The following HYDIN variants were observed in gnomAD, a reference collection of about 807,000 sequenced individuals.
HYDIN encodes the protein axonemal central pair apparatus protein HYDIN.
In HYDIN, 132 loss-of-function variants were observed where a neutral mutation model predicts 403.9. The observed-to-expected ratio is 0.33, with a 90% confidence interval of 0.28 to 0.38. HYDIN has a LOEUF of 0.38. Among genes scored for constraint, HYDIN ranks in the 10% least tolerant of loss-of-function variants. The probability of loss-of-function intolerance (pLI) is 1.00; values close to 1 mark genes in which losing one functional copy is unlikely to be tolerated. For missense variants in HYDIN, 2,827 were observed against 5,009.5 expected, an observed-to-expected ratio of 0.56 and a Z score of 13.15; for synonymous variants, 1,202 against 1,891.7, an observed-to-expected ratio of 0.64 and a Z score of 9.46.
intron 73 of HYDIN, chr16:70,852,826 A>T (rs967594716): frequency 5.3e-5 from 8 of 152,276 alleles, no homozygotes; most frequent in Admixed American, 2.6e-4. Flanking sequence ...CATTAGGAAA[A>T]TGCTAATTAA....
intron 1 of HYDIN, among the ~76,000 whole-genome samples, chr16:71,195,574 T>C (rs1437835157): frequency 6.6e-6 from 1 of 152,192 alleles, no homozygotes; most frequent in Non-Finnish European, 1.5e-5. Flanking sequence ...TCCTGCTTCA[T>C]CTTCTAGCTT....
intron 44 of HYDIN, 123 bp downstream of exon 44, chr16:70,938,491 G>A (rs2077566275): frequency 4.1e-6 from 3 of 737,014 alleles, no homozygotes; most frequent in Middle Eastern, 4.0e-4. Flanking sequence ...TCACCTTCCA[G>A]GGCCTTCTGC....
At chr16:70,848,240 G>C (rs920428745) in intron 75 of HYDIN, among the ~76,000 whole-genome samples, 6 of 145,426 alleles carry the variant, frequency 4.1e-5, no homozygotes, top group African/African-American at 1.5e-4. Flanking sequence ...CTTTGCTTTA[G>C]TTATCTAGAC....
At position 71,175,741 on chromosome 16, in the gene HYDIN, T is replaced by C. The variant is rs2086645481; in HGVS notation, c.382A>G (p.Ile128Val). The change falls in exon 5 of 86, where the codon ATT becomes GTT. Residue 128 changes from isoleucine (I) to valine (V), a missense_variant and splice_region_variant. Ile to Val is a conservative substitution (Grantham distance 29). Transcript: ENST00000393567. Reference protein sequence around the residue: ...VPLILRNNDKIPRLVKVVEES... With the variant: ...VPLILRNNDKVPRLVKVVEES... The stretch of plus-strand genomic sequence containing the variant: ...TCCACAACTTTCACCAACCTTGGAA[T>C]CTGCAGGGAAACACATGATGATGAA... 1.9e-6 allele frequency: 3 copies of C among 1,614,044 alleles called. No homozygotes were observed. The highest frequency in any genetic ancestry group is 2.5e-6 in the Non-Finnish European group (3 of 1,180,012).
At chr16:71,044,347 A>T (rs754134637) in intron 18 of HYDIN, among the ~76,000 whole-genome samples, 1 of 122,738 alleles carries the variant, frequency 8.1e-6, no homozygotes, top group Non-Finnish European at 1.7e-5. Context: ...TTTAAGATTT[A>T]CTCTTTGGTC....
At chr16:70,819,908 C>A in intron 83 of HYDIN, among the ~76,000 whole-genome samples, 1 of 150,154 alleles carries the variant, frequency 6.7e-6, no homozygotes, top group East Asian at 2.0e-4. Flanking sequence ...CCCGGGTTCA[C>A]GCCATTCTCC....
intron 30 of HYDIN, among the ~76,000 whole-genome samples, chr16:70,976,375 T>C (rs1397460169): frequency 6.6e-6 from 1 of 152,072 alleles, no homozygotes; most frequent in Non-Finnish European, 1.5e-5. Context: ...GGATAGATTT[T>C]CTGGGTTGGA....
At chr16:71,146,008 T>G (rs2085353412) in intron 7 of HYDIN, among the ~76,000 whole-genome samples, 1 of 152,336 alleles carries the variant, frequency 6.6e-6, no homozygotes, top group East Asian at 1.9e-4. Context: ...TAGCGTTTTT[T>G]GAAATTATAC....
chr16:70,844,644 A>G (rs2038073823), intron 75 of HYDIN, among the ~76,000 whole-genome samples: 1 of 143,488 alleles, frequency 7.0e-6, no homozygotes. Context: ...CAGTATGGCC[A>G]TTTTCACGAT....
intron 57 of HYDIN, among the ~76,000 whole-genome samples, chr16:70,891,392 T>C (rs1330173577): frequency 6.6e-6 from 1 of 152,194 alleles, no homozygotes; most frequent in African/African-American, 2.4e-5. Flanking sequence ...TTTCACCACA[T>C]TGGCCAGGCT....
rs1360044216 is a variant in HYDIN at position 70,964,983 on chromosome 16, ACTC to A, written c.5620-90_5620-88del. ...TGGGTCTGCTCACTGATTTTATAAA[ACTC>A]CTGCTCCTGCCTGAGGCTGAGACTT... On this transcript the variant is annotated intron_variant, in intron 36 of 85. Coordinates refer to ENST00000393567, the MANE Select transcript of HYDIN (RefSeq NM_001270974.2). 1.8e-4 allele frequency: 123 copies of A among 701,880 alleles called. No individual in the cohort carries two copies. The Middle Eastern group carries it at 2.0e-3, about 11-fold the overall frequency. The allele number at this position is 701,880 out of a possible 1,614,324, so 43.5% of individuals were successfully genotyped here.
At chr16:71,228,902 A>T (rs564985291) in intron 1 of HYDIN, among the ~76,000 whole-genome samples, 2 of 152,196 alleles carry the variant, frequency 1.3e-5, no homozygotes, top group Non-Finnish European at 2.9e-5. Flanking sequence ...ACTTGGAACC[A>T]ACCCAAATGT....
chr16:70,952,612 T>C lies in HYDIN; in HGVS notation c.6340A>G (p.Asn2114Asp). 1 of 1,613,432 alleles carries C rather than the reference T, an allele frequency of 6.2e-7. No individual in the cohort carries two copies. Among genetic ancestry groups the C allele is most frequent in the Non-Finnish European group, 8.5e-7 (1 of 1,179,870 alleles). The change falls in exon 41 of 86, where the codon AAC becomes GAC. Residue 2114 changes from asparagine to aspartate, a missense_variant. Asn to Asp is a conservative substitution (Grantham distance 23, BLOSUM62 1). Transcript: ENST00000393567. ...CTCAGTCGTCCTTGCCCTATGACGTTTTGACCCACAGCTGCCTCCTGGGCT... is the reference window on the plus strand; with the variant it reads ...CTCAGTCGTCCTTGCCCTATGACGTCTTGACCCACAGCTGCCTCCTGGGCT... Reference protein sequence around the residue: ...EAAQEAAVGQNVIGQGRLSTD... With the variant: ...EAAQEAAVGQDVIGQGRLSTD...
At chr16:71,160,373 A>C (rs1453928488) in intron 6 of HYDIN, among the ~76,000 whole-genome samples, 1 of 135,514 alleles carries the variant, frequency 7.4e-6, no homozygotes, top group Non-Finnish European at 1.6e-5. Context: ...TCCCCGTATA[A>C]ACCTGAGAAA....
intron 21 of HYDIN, among the ~76,000 whole-genome samples, chr16:71,020,710 G>A (rs1197199268): frequency 6.6e-6 from 1 of 151,412 alleles, no homozygotes; most frequent in Non-Finnish European, 1.5e-5. Flanking sequence ...TTGGGAGGCT[G>A]AGGCATGAAG....
Position 70,932,139 on chromosome 16 carries a change from G to C in HYDIN, c.7158+3813C>G, listed in dbSNP as rs548416945. ...GGAGGCTGAGGTGGGTGGATCACCT[G>C]AGGTCAGGAGTTCGAGACCAGCCTA... On this transcript the variant is annotated intron_variant, in intron 45 of 85. Transcript: ENST00000393567. Among the ~76,000 whole-genome samples the C allele has an allele frequency of 5.6e-3, 832 of 147,520 alleles. 6 individuals carry two copies. Among genetic ancestry groups the C allele is most frequent in the African/African-American group, 0.02 (791 of 40,506 alleles).
At chr16:71,177,325 G>A (rs148889574) in intron 4 of HYDIN, among the ~76,000 whole-genome samples, 388 of 152,302 alleles carry the variant, frequency 2.5e-3, no homozygotes, top group South Asian at 6.8e-3. Flanking sequence ...TATAGAAAGG[G>A]AAAAGAGAGT....
chr16:71,230,567 T>C lies in HYDIN; in HGVS notation c.-29A>G. ...TCTCTGCGAGGACCTCTGACCTTGG[T>C]GCACTCCGGGTCCCACGTTTATTCT... On this transcript the variant is annotated 5_prime_UTR_variant, in exon 1 of 86. Transcript: ENST00000393567. The C allele has an allele frequency of 6.5e-7, 1 of 1,534,650 alleles. No individual in the cohort carries two copies. The highest frequency in any genetic ancestry group is 2.4e-5 in the East Asian group (1 of 40,870).
chr16:70,857,943 G>T, intron 71 of HYDIN, 73 bp from the exon 72 acceptor site: 1 of 1,312,014 alleles, frequency 7.6e-7, no homozygotes, highest in Admixed American at 2.8e-5. Context: ...CTGGAGACTT[G>T]TCAGCACGAG....
Sources: allele counts gnomAD v4.1 joint callset (sites outside exome capture counted in the v4.1 genomes callset), GRCh38; gene constraint gnomAD v4.1.1; transcripts MANE v1.5; gene names NCBI Gene and HGNC (gene_info 2026-07-23, HGNC 2026-07-21).